The following MEI1 variants were observed in gnomAD, a reference collection of about 807,000 sequenced individuals.
MEI1 encodes meiotic double-stranded break formation protein 1, also known as meiosis inhibitor protein 1.
Under a neutral mutation model 146.2 loss-of-function variants are expected in MEI1, and 103 were observed. The observed-to-expected ratio is 0.70, with a 90% confidence interval of 0.60 to 0.83. MEI1 has a LOEUF of 0.83. Among genes scored for constraint, MEI1 ranks in the 40% least tolerant of loss-of-function variants. The pLI is 0.00. For synonymous variants in MEI1, 652 were observed against 628.2 expected (o/e 1.04, Z -0.57); for missense variants, 1,529 against 1,533.0 (o/e 1.00, Z 0.04).
At chr22:41,768,589 A>G (rs2074996153) in intron 19 of MEI1, among the ~76,000 whole-genome samples, 1 of 152,212 alleles carries the variant, frequency 6.6e-6, no homozygotes, top group African/African-American at 2.4e-5. Flanking sequence ...CAGGCTATAC[A>G]GGAAGCATGG....
At chr22:41,778,636 C>G (rs2075594117) in intron 21 of MEI1, 72 bp from the exon 22 acceptor site, 1 of 1,179,250 alleles carries the variant, frequency 8.5e-7, no homozygotes, top group Non-Finnish European at 1.2e-6. Flanking sequence ...GCCATTGAAG[C>G]AGGGCAGGGT....
chr22:41,699,753 C>T lies in MEI1; in HGVS notation c.174+41C>T, dbSNP rs758161009. ...TTTCTTCAGAAGACCTGGGTTTGGC[C>T]ATTTCCCTCAGCAAACGCGGCCAGG... On this transcript the variant is annotated intron_variant, in intron 1 of 30. Transcript: ENST00000401548. The T allele has an allele frequency of 2.1e-5, 32 of 1,516,934 alleles. No individual in the cohort carries two copies. In the African/African-American group the frequency reaches 3.6e-4, roughly 17 times the overall value. The allele number at this position is 1,516,934 out of a possible 1,614,324, so 94.0% of individuals were successfully genotyped here.
At chr22:41,794,093 T>C (rs1435617054) in intron 27 of MEI1, 183 bp downstream of exon 27, 3 of 679,158 alleles carry the variant, frequency 4.4e-6, no homozygotes, top group South Asian at 1.9e-5. Context: ...AAGGTTCAGA[T>C]AGGTCAAATG....
At chr22:41,714,132 G>A in intron 4 of MEI1, 57 bp downstream of exon 4, 1 of 1,490,216 alleles carries the variant, frequency 6.7e-7, no homozygotes, top group Non-Finnish European at 9.2e-7. Flanking sequence ...GTCAGAGCTG[G>A]GTCAACCCTT....
chr22:41,766,560 T>G (rs115822272), intron 19 of MEI1, among the ~76,000 whole-genome samples: 5,355 of 152,148 alleles, frequency 0.035, 221 homozygotes, highest in African/African-American at 0.098. Flanking sequence ...TTATTATTAT[T>G]TTTCGAGACA....
chr22:41,712,533 C>T (rs1370086445), intron 3 of MEI1, among the ~76,000 whole-genome samples: 1 of 151,898 alleles, frequency 6.6e-6, no homozygotes, highest in Non-Finnish European at 1.5e-5. Context: ...CTGCGCCCGG[C>T]TCAAAAGCAG....
chr22:41,757,057 G>A (rs540044687), intron 17 of MEI1, among the ~76,000 whole-genome samples: 6 of 152,116 alleles, frequency 3.9e-5, no homozygotes, highest in South Asian at 2.1e-4. Flanking sequence ...TTCTCCTGTC[G>A]CTGCCTCTTT....
intron 17 of MEI1, among the ~76,000 whole-genome samples, chr22:41,755,534 A>C (rs2074037075): frequency 2.6e-5 from 4 of 152,212 alleles, no homozygotes; most frequent in Admixed American, 2.0e-4. Context: ...GACTATTGGC[A>C]GTCACATCAC....
intron 7 of MEI1, among the ~76,000 whole-genome samples, chr22:41,728,691 C>G (rs2071576874): frequency 6.6e-6 from 1 of 151,844 alleles, no homozygotes; most frequent in Non-Finnish European, 1.5e-5. Context: ...ATGGTGAAAC[C>G]CTGTCTCTAT....
intron 11 of MEI1, among the ~76,000 whole-genome samples, chr22:41,741,942 CAA>C (rs10544640): frequency 1.3e-3 from 151 of 116,136 alleles, no homozygotes; most frequent in East Asian, 2.3e-3. Context: ...GACTCCATCT[CAA>C]AAAAAAAAAA....
chr22:41,699,854 C>G, intron 1 of MEI1, 142 bp downstream of exon 1: 1 of 1,130,286 alleles, frequency 8.8e-7, no homozygotes, highest in Non-Finnish European at 1.2e-6. Flanking sequence ...TCCCTGTCAG[C>G]CCGTCCCGGA....
chr22:41,778,441 T>C (rs1369944504), intron 21 of MEI1, among the ~76,000 whole-genome samples: 1 of 152,234 alleles, frequency 6.6e-6, no homozygotes, highest in African/African-American at 2.4e-5. Flanking sequence ...AAAATAGGAA[T>C]AACAATCCAT....
chr22:41,765,128 C>T (rs978521206), intron 19 of MEI1, among the ~76,000 whole-genome samples: 3 of 152,184 alleles, frequency 2.0e-5, no homozygotes, highest in African/African-American at 7.2e-5. Context: ...CCTCAGCCTC[C>T]CGAGTAGCTG....
chr22:41,796,782 A>G (rs2076374565), intron 30 of MEI1, among the ~76,000 whole-genome samples: 1 of 152,020 alleles, frequency 6.6e-6, no homozygotes, highest in African/African-American at 2.4e-5. Flanking sequence ...CCTCATCTCT[A>G]TGAAAAATAC....
At chr22:41,778,586 AC>A in intron 21 of MEI1, 121 bp from the exon 22 acceptor site, 1 of 671,830 alleles carries the variant, frequency 1.5e-6, no homozygotes, top group Non-Finnish European at 2.6e-6. Flanking sequence ...AAAACACCTC[AC>A]CCCTTAGGAA....
rs755926756 is a variant in MEI1 at position 41,729,655 on chromosome 22, G to A, written c.865-10G>A. On this transcript the variant is annotated splice_polypyrimidine_tract_variant and intron_variant, in intron 7 of 30. Coordinates refer to ENST00000401548, the MANE Select transcript of MEI1 (RefSeq NM_152513.4). ...GTGACTGGGGTACTTTTTGCTGCCT[G>A]TTTCTCCAGCTTCTCCTCTCTAGAG... 2.5e-6 allele frequency: 4 copies of A among 1,595,190 alleles called. No homozygotes were observed. The Admixed American group carries it at 5.1e-5, about 20-fold the overall frequency.
chr22:41,757,232 C>G (rs2074153614), intron 17 of MEI1, among the ~76,000 whole-genome samples: 1 of 151,084 alleles, frequency 6.6e-6, no homozygotes, highest in African/African-American at 2.4e-5. Context: ...GTAGCTGGGA[C>G]TACAGGGGCC....
At chr22:41,737,875 T>C (rs1325484021) in intron 11 of MEI1, among the ~76,000 whole-genome samples, 3 of 151,926 alleles carry the variant, frequency 2.0e-5, no homozygotes, top group Non-Finnish European at 2.9e-5. Context: ...AGCACCACAA[T>C]GGGAAATTAT....
chr22:41,773,090 A>C (rs970238152), intron 20 of MEI1, among the ~76,000 whole-genome samples: 4 of 152,250 alleles, frequency 2.6e-5, no homozygotes, highest in African/African-American at 9.6e-5. Context: ...TAGAGTCTAC[A>C]TCCCAGGGAA....
Sources: allele counts gnomAD v4.1 joint callset (sites outside exome capture counted in the v4.1 genomes callset), GRCh38; gene constraint gnomAD v4.1.1; transcripts MANE v1.5; gene names NCBI Gene and HGNC (gene_info 2026-07-23, HGNC 2026-07-21).